Variants in TTC21A observed in about 807,000 individuals in gnomAD.
The protein encoded by TTC21A is tetratricopeptide repeat protein 21A.
In TTC21A, 128 loss-of-function variants were observed where a neutral mutation model predicts 156.4. That is an observed-to-expected ratio of 0.82 (90% CI 0.71 to 0.95). The LOEUF (loss-of-function observed/expected upper bound fraction) is 0.95. Ranked by LOEUF, TTC21A falls within the 40% of genes least tolerant of loss-of-function variation. TTC21A has a pLI of 0.00. For synonymous variants in TTC21A, 587 were observed against 617.1 expected (o/e 0.95, Z 0.72); for missense variants, 1,435 against 1,602.3 (o/e 0.90, Z 1.78).
rs1183947907 is a variant in TTC21A, at chr3:39,126,508, AC to A, written c.1522+119del. 7 of 988,570 alleles carry A rather than the reference AC, an allele frequency of 7.1e-6. No homozygotes were observed. In the Admixed American group the frequency reaches 1.5e-4, roughly 21 times the overall value. 61.2% of individuals were successfully genotyped at this position (988,570 alleles called of 1,614,324 possible). A position where few individuals can be genotyped will look rare whatever the true frequency, so the allele number is the denominator to read the frequency against. ...CACACACACACACACACACACACAC[AC>A]ACACACACACACTCTCCTTGCCTGG... is the stretch of plus-strand genomic sequence containing the variant. On this transcript the variant is annotated intron_variant, in intron 12 of 28. Coordinates refer to ENST00000683103, the MANE Select transcript of TTC21A (RefSeq NM_001366900.1).
Position 39,113,185 on chromosome 3 carries a change from G to T in TTC21A, c.558+605G>T, listed in dbSNP as rs185569405. On this transcript the variant is annotated intron_variant, in intron 5 of 28. Coordinates refer to ENST00000683103, the MANE Select transcript of TTC21A (RefSeq NM_001366900.1). Reference sequence around the variant, plus strand: ...AAAAGTCAACAGATGAATTAAAATGGCAGGCTTAGTCTTACCGCTCCAAGA... The same window carrying T: ...AAAAGTCAACAGATGAATTAAAATGTCAGGCTTAGTCTTACCGCTCCAAGA... Among the ~76,000 whole-genome samples, 949 of 152,208 alleles carry T rather than the reference G, an allele frequency of 6.2e-3. 5 individuals carry two copies. The highest frequency in any genetic ancestry group is 0.01 in the Non-Finnish European group (696 of 68,004).
chr3:39,129,603 A>C (rs2038568187), intron 15 of TTC21A, among the ~76,000 whole-genome samples: 1 of 152,182 alleles, frequency 6.6e-6, no homozygotes, highest in South Asian at 2.1e-4. Context: ...GACACACTGA[A>C]GCTCCAAGCT....
At chr3:39,126,475 TAC>T (rs59925253) in intron 12 of TTC21A, 85 bp downstream of exon 12, 76,769 of 511,932 alleles carry the variant, frequency 0.15, 1,189 homozygotes, top group South Asian at 0.18. Flanking sequence ...CCTAGGATAC[TAC>T]ACACACACAC....
At chr3:39,135,499 T>G (rs2039044735) in intron 22 of TTC21A, among the ~76,000 whole-genome samples, 1 of 152,196 alleles carries the variant, frequency 6.6e-6, no homozygotes, top group Admixed American at 6.5e-5. Flanking sequence ...TCCCCCGTTG[T>G]ATAGCTTCAT....
chr3:39,136,473 C>T lies in TTC21A; in HGVS notation c.3061C>T (p.Pro1021Ser), dbSNP rs1375846902. The change falls in exon 23 of 29, where the codon CCA (proline) becomes TCA (serine). Residue 1021 changes from proline to serine, a missense_variant. Pro to Ser is a moderately conservative substitution (Grantham distance 74). Coordinates refer to ENST00000683103, the MANE Select transcript of TTC21A (RefSeq NM_001366900.1). ...GGTGTCTAGCCGGGTGCCTTTGGAA[C>T]CAGGGTTCAATTACTGCAGAGGTAT... Reference protein sequence around the residue: ...KKVSSRVPLEPGFNYCRGIYC... With the variant: ...KKVSSRVPLESGFNYCRGIYC... 4 of 1,614,108 alleles carry T rather than the reference C, an allele frequency of 2.5e-6. No individual in the cohort carries two copies. In the African/African-American group the frequency reaches 5.3e-5, roughly 22 times the overall value.
chr3:39,131,962 C>T (rs73070231), intron 19 of TTC21A, among the ~76,000 whole-genome samples: 14,314 of 152,086 alleles, frequency 0.094, 880 homozygotes, highest in Non-Finnish European at 0.13. Context: ...ACCATAGCAA[C>T]GTCATATGTT....
intron 1 of TTC21A, 147 bp downstream of exon 1, chr3:39,108,011 C>A: frequency 2.1e-6 from 2 of 965,922 alleles, no homozygotes; most frequent in East Asian, 2.7e-5. Context: ...CTCCCCCTGG[C>A]AAGGGCGTCT....
Position 39,107,686 on chromosome 3 carries a change from TGGACGCTCC to T in TTC21A, c.-151_-143del. 7.6e-7 allele frequency: 1 copy of T among 1,315,928 alleles called. No individual in the cohort carries two copies. Among genetic ancestry groups the T allele is most frequent in the Non-Finnish European group, 1.1e-6 (1 of 936,736 alleles). The allele number at this position is 1,315,928 out of a possible 1,614,324, so 81.5% of individuals were successfully genotyped here. ...GTTTTGTTCCTCCCACTCCAGACAC[TGGACGCTCC>T]TAGCAACCGGCTAGCAGCTCGGTTT... On this transcript the variant is annotated 5_prime_UTR_variant, in exon 1 of 29. Transcript: ENST00000683103.
intron 12 of TTC21A, 114 bp downstream of exon 12, chr3:39,126,504 AC>A: frequency 1.0e-6 from 1 of 997,196 alleles, no homozygotes; most frequent in Admixed American, 2.1e-5. Flanking sequence ...ACACACACAC[AC>A]ACACACACAC....
chr3:39,134,472 CA>C lies in TTC21A; in HGVS notation c.2862+145del. 1 of 724,530 alleles carries C rather than the reference CA, an allele frequency of 1.4e-6. No homozygotes were observed. The highest frequency in any genetic ancestry group is 1.4e-5 in the South Asian group (1 of 69,690). 44.9% of individuals were successfully genotyped at this position (724,530 alleles called of 1,614,324 possible). ...GAGGAGCTGTCGGGCAGAGAGGACT[CA>C]GTGCTGCACCTACTCTGCCCTTTAG... On this transcript the variant is annotated intron_variant, in intron 21 of 28. Transcript: ENST00000683103. This position sits in a 1 kb window ranked among gnomAD's most constrained non-coding sequence, Gnocchi z 4.6.
Position 39,134,899 on chromosome 3 carries a change from C to T in TTC21A, c.2863-194C>T. 1 of 607,866 alleles carries T rather than the reference C, an allele frequency of 1.6e-6. No homozygotes were observed. Among genetic ancestry groups the T allele is most frequent in the South Asian group, 2.0e-5 (1 of 50,776 alleles). 37.7% of individuals were successfully genotyped at this position (607,866 alleles called of 1,614,324 possible). On this transcript the variant is annotated intron_variant, in intron 21 of 28. Coordinates refer to ENST00000683103, the MANE Select transcript of TTC21A (RefSeq NM_001366900.1). This position sits in a 1 kb window ranked among gnomAD's most constrained non-coding sequence, Gnocchi z 4.6. The stretch of plus-strand genomic sequence containing the variant: ...TGCCCCTCACCTTGGGAAGTCCTCA[C>T]CTTCTGGGTGGGGGCCTGAGAAACC...
intron 21 of TTC21A, 37 bp from the exon 22 acceptor site, chr3:39,135,056 T>C (rs373864461): frequency 2.7e-5 from 38 of 1,405,270 alleles, no homozygotes; most frequent in Non-Finnish European, 3.6e-5. Context: ...AAGCTGCCAC[T>C]GTTGGGAAAT....
chr3:39,114,425 G>A (rs577350779), intron 5 of TTC21A, among the ~76,000 whole-genome samples, 160 bp from the exon 6 acceptor site: 4 of 152,236 alleles, frequency 2.6e-5, no homozygotes, highest in South Asian at 2.1e-4. Flanking sequence ...TCCTTCTCCC[G>A]GGAACTTTGA....
intron 19 of TTC21A, 43 bp from the exon 20 acceptor site, chr3:39,133,009 T>G: frequency 6.3e-7 from 1 of 1,597,124 alleles, no homozygotes; most frequent in Non-Finnish European, 8.6e-7. Flanking sequence ...AACTGGTATG[T>G]CAGGCTCTGA....
intron 7 of TTC21A, 78 bp downstream of exon 7, chr3:39,118,231 C>T (rs763342555): frequency 9.1e-6 from 13 of 1,436,188 alleles, no homozygotes; most frequent in Admixed American, 1.7e-5. Flanking sequence ...TGCACCTGAC[C>T]CAAAGCCCTT....
rs201948181 is a variant in TTC21A at position 39,130,758 on chromosome 3, G to T, written c.2377G>T (p.Asp793Tyr). The T allele has an allele frequency of 1.2e-6, 2 of 1,614,192 alleles. No homozygotes were observed. Among genetic ancestry groups the T allele is most frequent in the Admixed American group, 3.3e-5 (2 of 60,026 alleles). Residue 793 changes from aspartate to tyrosine, a missense_variant, in exon 18 of 29, where the codon GAT (aspartate) becomes TAT (tyrosine). By Grantham distance (160) the Asp-to-Tyr change is radical (BLOSUM62 -3). Transcript: ENST00000683103. The surrounding 1 kb of genome is among the most constrained non-coding windows in gnomAD (Gnocchi z 4.5). Reference sequence around the variant, plus strand: ...TAATGGACAGGACTTTCTGTGCTGCGATCTGGGCAAACTGCTCCTGAAGTT... The same window carrying T: ...TAATGGACAGGACTTTCTGTGCTGCTATCTGGGCAAACTGCTCCTGAAGTT... ...KINGQDFLCC[D>Y]LGKLLLKLKK...
chr3:39,107,899 G>C (rs79544840), intron 1 of TTC21A, 35 bp downstream of exon 1: 6 of 1,609,716 alleles, frequency 3.7e-6, no homozygotes, highest in Non-Finnish European at 5.1e-6. Context: ...GGGCTCCCTC[G>C]TGACTCCCCG....
intron 12 of TTC21A, among the ~76,000 whole-genome samples, chr3:39,126,773 T>G (rs1024992545): frequency 6.6e-6 from 1 of 152,146 alleles, no homozygotes; most frequent in East Asian, 1.9e-4. Flanking sequence ...CCTAGGCCTT[T>G]GTGGATTTAC....
intron 5 of TTC21A, 68 bp from the exon 6 acceptor site, chr3:39,114,516 AC>A (rs2037111441): frequency 1.7e-5 from 25 of 1,498,540 alleles, no homozygotes; most frequent in Middle Eastern, 3.9e-4. Flanking sequence ...CACAGAGACA[AC>A]CCCCCTCCAG....
Sources: gnomAD v4.1 joint callset for allele counts (sites outside exome capture counted in the v4.1 genomes callset) on GRCh38, gnomAD v4.1.1 for gene constraint, Gnocchi (gnomAD v3.1) non-coding constraint, MANE v1.5 for transcripts, NCBI Gene and HGNC (gene_info 2026-07-23, HGNC 2026-07-21) for gene names.